PPARGC1A: variants seen among roughly 807,000 people sequenced by gnomAD.
The protein encoded by PPARGC1A is PPARG coactivator 1 alpha, also known as peroxisome proliferator-activated receptor gamma coactivator 1-alpha.
PPARGC1A carries 25 observed loss-of-function variants against 88.7 expected under a neutral mutation model. The ratio of observed to expected loss-of-function variants is 0.28; its 90% confidence interval spans 0.21 to 0.39. PPARGC1A has a LOEUF of 0.39. Among genes scored for constraint, PPARGC1A ranks in the 10% least tolerant of loss-of-function variants. The probability of loss-of-function intolerance (pLI) is 1.00; values close to 1 mark genes in which losing one functional copy is unlikely to be tolerated. For missense variants in PPARGC1A, 880 were observed against 968.7 expected (o/e 0.91, Z 1.22); for synonymous variants, 363 against 355.6 (o/e 1.02, Z -0.24).
At chr4:24,172,495 G>A in the PPARGC1A span, among the ~76,000 whole-genome samples, 8 of 152,214 alleles carry the variant, frequency 5.3e-5, no homozygotes, top group African/African-American at 1.7e-4. Context: ...ATCAAAATGA[G>A]AGCTGCCACT....
Position 23,801,772 on chromosome 4 carries a change from A to C in PPARGC1A, c.2251T>G (p.Cys751Gly). 1 of 1,614,044 alleles carries C rather than the reference A, an allele frequency of 6.2e-7. No individual in the cohort carries two copies. The highest frequency in any genetic ancestry group is 8.5e-7 in the Non-Finnish European group (1 of 1,179,964). Residue 751 changes from cysteine to glycine, a missense_variant, in exon 12 of 13, where the codon TGT becomes GGT. Coordinates refer to ENST00000264867, the MANE Select transcript of PPARGC1A (RefSeq NM_013261.5). The part of the protein sequence containing the change: ...SNETDFELYF[C>G]GRKQFFKSNY... The stretch of plus-strand genomic sequence containing the variant: ...GACTTGAAAAATTGCTTGCGTCCAC[A>C]AAAGTACAGCTCAAAGTCAGTTTCG...
the PPARGC1A span, among the ~76,000 whole-genome samples, chr4:24,329,258 C>G: frequency 6.9e-6 from 1 of 145,368 alleles, no homozygotes; most frequent in South Asian, 2.2e-4. Flanking sequence ...TCTCTTTAAG[C>G]TTTTTTTTTT....
the PPARGC1A span, among the ~76,000 whole-genome samples, chr4:24,395,845 C>T: frequency 6.6e-6 from 1 of 152,160 alleles, no homozygotes; most frequent in African/African-American, 2.4e-5. Context: ...TCAAGTATGG[C>T]TCCAAATGTG....
the PPARGC1A span, among the ~76,000 whole-genome samples, chr4:24,049,225 T>C: frequency 2.0e-3 from 17 of 8,386 alleles, no homozygotes; most frequent in Admixed American, 4.5e-3. Context: ...AATATATATA[T>C]ACATATATAT....
the PPARGC1A span, among the ~76,000 whole-genome samples, chr4:24,051,013 C>T: frequency 6.6e-6 from 1 of 151,620 alleles, no homozygotes; most frequent in Non-Finnish European, 1.5e-5. Flanking sequence ...TGGTGAAACC[C>T]CGTCTCTACT....
At chr4:24,288,364 T>A in the PPARGC1A span, among the ~76,000 whole-genome samples, 36 of 152,300 alleles carry the variant, frequency 2.4e-4, no homozygotes, top group African/African-American at 8.7e-4. Context: ...ACTAAGGGTC[T>A]TTTTATCAGC....
At chr4:23,806,590 C>T (rs1203331883) in intron 10 of PPARGC1A, among the ~76,000 whole-genome samples, 2 of 152,132 alleles carry the variant, frequency 1.3e-5, no homozygotes, top group Non-Finnish European at 2.9e-5. Context: ...TATCAAATAA[C>T]TTTTAGCTTC....
At chr4:24,085,815 A>G in the PPARGC1A span, among the ~76,000 whole-genome samples, 1 of 152,146 alleles carries the variant, frequency 6.6e-6, no homozygotes, top group Non-Finnish European at 1.5e-5. Flanking sequence ...GAGGGACATA[A>G]TCCTATAAGC....
At chr4:24,261,254 C>A in the PPARGC1A span, among the ~76,000 whole-genome samples, 2 of 152,194 alleles carry the variant, frequency 1.3e-5, no homozygotes, top group African/African-American at 2.4e-5. Context: ...AAATCTATCT[C>A]TCCCTCCCCT....
chr4:24,005,184 A>G, the PPARGC1A span, among the ~76,000 whole-genome samples: 2 of 152,220 alleles, frequency 1.3e-5, no homozygotes, highest in African/African-American at 4.8e-5. Context: ...AAAGAAAATT[A>G]CAAGCACTAA....
At chr4:23,870,340 G>T (rs1184988471) in intron 2 of PPARGC1A, among the ~76,000 whole-genome samples, 1 of 152,196 alleles carries the variant, frequency 6.6e-6, no homozygotes, top group Non-Finnish European at 1.5e-5. Flanking sequence ...TGGTAGCACT[G>T]TCTGGTATTG....
At chr4:23,932,265 T>G in the PPARGC1A span, among the ~76,000 whole-genome samples, 1 of 124,864 alleles carries the variant, frequency 8.0e-6, no homozygotes, top group African/African-American at 2.9e-5. Flanking sequence ...AACAAGAGAA[T>G]GCTCTTAGTG....
chr4:24,118,764 A>G, the PPARGC1A span, among the ~76,000 whole-genome samples: 2 of 152,164 alleles, frequency 1.3e-5, no homozygotes, highest in Non-Finnish European at 2.9e-5. Context: ...ACATATACAC[A>G]TGGGATATTT....
chr4:23,975,867 A>G, the PPARGC1A span, among the ~76,000 whole-genome samples: 1 of 152,080 alleles, frequency 6.6e-6, no homozygotes, highest in Non-Finnish European at 1.5e-5. Flanking sequence ...TCTAATTTAC[A>G]ATATTCAAAT....
chr4:24,000,579 T>G, the PPARGC1A span, among the ~76,000 whole-genome samples: 1 of 152,116 alleles, frequency 6.6e-6, no homozygotes, highest in African/African-American at 2.4e-5. Flanking sequence ...ATCTGCCTCA[T>G]GATAAAATTA....
chr4:24,454,953 C>T, the PPARGC1A span, among the ~76,000 whole-genome samples: 1 of 151,682 alleles, frequency 6.6e-6, no homozygotes, highest in Admixed American at 6.6e-5. Flanking sequence ...AAGTTAGGAC[C>T]CCACGAACAT....
intron 2 of PPARGC1A, among the ~76,000 whole-genome samples, chr4:23,861,596 A>T (rs544082092): frequency 1.3e-5 from 2 of 152,248 alleles, no homozygotes; most frequent in East Asian, 3.9e-4. Flanking sequence ...TTACATATTT[A>T]CTGAGCTCCT....
At chr4:24,093,239 T>C in the PPARGC1A span, among the ~76,000 whole-genome samples, 1 of 152,224 alleles carries the variant, frequency 6.6e-6, no homozygotes, top group African/African-American at 2.4e-5. Context: ...TCGATACTCT[T>C]TCACTGATGC....
At chr4:24,037,801 G>A in the PPARGC1A span, among the ~76,000 whole-genome samples, 1 of 152,154 alleles carries the variant, frequency 6.6e-6, no homozygotes, top group Non-Finnish European at 1.5e-5. Context: ...TCACAGTATA[G>A]CTCCTTTATC....
Sources: allele counts gnomAD v4.1 joint callset (sites outside exome capture counted in the v4.1 genomes callset), GRCh38; gene constraint gnomAD v4.1.1; transcripts MANE v1.5; gene names NCBI Gene and HGNC (gene_info 2026-07-23, HGNC 2026-07-21).